The following CHRNB3 variants were observed in gnomAD, a reference collection of about 807,000 sequenced individuals.
The protein encoded by CHRNB3 is cholinergic receptor nicotinic beta 3 subunit.
Under a neutral mutation model 40.6 loss-of-function variants are expected in CHRNB3, and 37 were observed. That is an observed-to-expected ratio of 0.91 (90% confidence interval 0.70 to 1.20). The LOEUF (loss-of-function observed/expected upper bound fraction) is 1.20. CHRNB3 is among the 50% of genes most tolerant of loss of function. The pLI, the probability that CHRNB3 is intolerant of heterozygous loss-of-function variation, is 0.00. For synonymous variants in CHRNB3, 207 were observed against 207.1 expected (o/e 1.00, Z 0.00); for missense variants, 505 against 551.2 (o/e 0.92, Z 0.84).
chr8:42,722,663 G>C (rs1036281330), intron 3 of CHRNB3, among the ~76,000 whole-genome samples: 4 of 152,176 alleles, frequency 2.6e-5, no homozygotes, highest in Admixed American at 2.6e-4. Flanking sequence ...CCAGGCTCAA[G>C]TGATCCTCCC....
In CHRNB3 at chr8:42,712,925, A is replaced by G. The variant is rs1816042819; in HGVS notation, c.249+2491A>G. Among the ~76,000 whole-genome samples the G allele has an allele frequency of 2.1e-5, 3 of 141,348 alleles. No homozygotes were observed. The South Asian group carries it at 6.6e-4, about 31-fold the overall frequency. 92.7% of individuals were successfully genotyped at this position (141,348 alleles called of 152,430 possible). A position where few individuals can be genotyped will look rare whatever the true frequency, so the allele number is the denominator to read the frequency against. ...CGCCCAGGCTAGAGTACAGTGGCTC[A>G]ATCTCAGCTCGCTGCAGCCTCTGCC... On this transcript the variant is annotated intron_variant, in intron 3 of 5. Transcript: ENST00000289957.
rs183184164 is a variant in CHRNB3 at position 42,730,191 on chromosome 8, C to T, written c.250-403C>T. On this transcript the variant is annotated intron_variant, in intron 3 of 5. Coordinates refer to ENST00000289957, the MANE Select transcript of CHRNB3 (RefSeq NM_000749.5). ...TGAGTGGTGTTTAAAATCACTTGTA[C>T]CAGTTAGCATGTGATTTAAGTATCA... Among the ~76,000 whole-genome samples the T allele has an allele frequency of 4.8e-3, 735 of 152,172 alleles. 2 individuals are homozygous for T. Among genetic ancestry groups the T allele is most frequent in the Non-Finnish European group, 7.0e-3 (473 of 68,014 alleles).
intron 3 of CHRNB3, among the ~76,000 whole-genome samples, chr8:42,711,063 G>T (rs1383160219): frequency 6.6e-6 from 1 of 152,148 alleles, no homozygotes; most frequent in Non-Finnish European, 1.5e-5. Flanking sequence ...CTAAAGTCAG[G>T]GGAGTGTGCC....
chr8:42,713,527 G>A (rs1264306618), intron 3 of CHRNB3, among the ~76,000 whole-genome samples: 1 of 152,064 alleles, frequency 6.6e-6, no homozygotes, highest in South Asian at 2.1e-4. Context: ...GAGAATAATC[G>A]ACTTTTTTGG....
At chr8:42,729,786 T>C (rs1816371767) in intron 3 of CHRNB3, among the ~76,000 whole-genome samples, 1 of 152,164 alleles carries the variant, frequency 6.6e-6, no homozygotes, top group South Asian at 2.1e-4. Flanking sequence ...TCAGATTTCC[T>C]ATGATTCTGG....
intron 3 of CHRNB3, among the ~76,000 whole-genome samples, chr8:42,724,933 A>G (rs1184834525): frequency 1.3e-5 from 2 of 152,098 alleles, no homozygotes; most frequent in East Asian, 3.9e-4. Context: ...CAGTGAGCCA[A>G]GACTGTGCCA....
At chr8:42,700,103 T>C (rs1815759105) in intron 1 of CHRNB3, among the ~76,000 whole-genome samples, 1 of 150,006 alleles carries the variant, frequency 6.7e-6, no homozygotes, top group Non-Finnish European at 1.5e-5. Flanking sequence ...AAGCTCCGCC[T>C]CCCGGGTTCA....
At chr8:42,708,497 A>AC (rs59816111) in intron 1 of CHRNB3, among the ~76,000 whole-genome samples, 1,607 of 151,740 alleles carry the variant, frequency 0.011, 33 homozygotes, top group African/African-American at 0.037. Flanking sequence ...ACACACACAC[A>AC]AACAAAATGT....
intron 1 of CHRNB3, among the ~76,000 whole-genome samples, chr8:42,707,234 G>A (rs1292667303): frequency 6.6e-6 from 1 of 152,244 alleles, no homozygotes; most frequent in African/African-American, 2.4e-5. Context: ...TTAGGAAAGT[G>A]CCTACAGAAG....
intron 3 of CHRNB3, among the ~76,000 whole-genome samples, chr8:42,720,111 C>CTTTTTTTTTTTTTTTTTTTTTTTTTTT (rs869178430): frequency 2.1e-5 from 1 of 48,746 alleles, no homozygotes; most frequent in African/African-American, 8.9e-5. Flanking sequence ...CAGAAGCCTT[C>CTTTTTTTTTTTTTTTTTTTTTTTTTTT]TTTTTTTTTT....
At chr8:42,725,746 T>C in intron 3 of CHRNB3, 2 of 920,028 alleles carry the variant, frequency 2.2e-6, no homozygotes, top group South Asian at 1.3e-5. Flanking sequence ...GATGGTCTTA[T>C]TCGTGACCTT....
chr8:42,703,820 AGAAGC>A (rs1295239998), intron 1 of CHRNB3, among the ~76,000 whole-genome samples: 9 of 152,166 alleles, frequency 5.9e-5, no homozygotes, highest in Non-Finnish European at 1.3e-4. Flanking sequence ...ATCAACTGTG[AGAAGC>A]ACTTGGCCTT....
intron 1 of CHRNB3, 65 bp downstream of exon 1, chr8:42,697,663 C>A: frequency 1.7e-6 from 2 of 1,187,552 alleles, no homozygotes; most frequent in South Asian, 1.2e-5. Flanking sequence ...GGAGGCAAAA[C>A]TATGGTGTTG....
At chr8:42,729,456 C>T (rs1377666416) in intron 3 of CHRNB3, among the ~76,000 whole-genome samples, 1 of 152,054 alleles carries the variant, frequency 6.6e-6, no homozygotes, top group African/African-American at 2.4e-5. Flanking sequence ...TGTTATACTT[C>T]AGATTCTAGC....
intron 3 of CHRNB3, among the ~76,000 whole-genome samples, chr8:42,729,534 T>C (rs911192609): frequency 4.6e-5 from 7 of 152,158 alleles, no homozygotes; most frequent in African/African-American, 1.2e-4. Flanking sequence ...TTGTCTAAGA[T>C]AGACAATGTT....
In CHRNB3 at chr8:42,712,693, G is replaced by T. The variant is rs1816036568; in HGVS notation, c.249+2259G>T. ...AATTCAGAGGCCTGAGAATTGGGAA[G>T]TATTTTGAGTTGATAAAGGCCAAGA... On this transcript the variant is annotated intron_variant, in intron 3 of 5. Transcript: ENST00000289957. Among the ~76,000 whole-genome samples the T allele has an allele frequency of 3.3e-5, 5 of 152,134 alleles. No homozygotes were observed. The South Asian group carries it at 1.0e-3, about 32-fold the overall frequency.
intron 1 of CHRNB3, among the ~76,000 whole-genome samples, chr8:42,700,182 A>AT (rs979470875): frequency 2.0e-5 from 3 of 150,992 alleles, no homozygotes; most frequent in East Asian, 2.0e-4. Flanking sequence ...CCCAGCTAAT[A>AT]TTTTTTGTAT....
chr8:42,727,795 A>G (rs1456239993), intron 3 of CHRNB3, among the ~76,000 whole-genome samples: 4 of 151,952 alleles, frequency 2.6e-5, no homozygotes, highest in Admixed American at 1.3e-4. Flanking sequence ...CCCAGGAGGC[A>G]GAGGTTGCAG....
At chr8:42,736,015 G>A (rs1326480970) in intron 5 of CHRNB3, among the ~76,000 whole-genome samples, 1 of 151,994 alleles carries the variant, frequency 6.6e-6, no homozygotes, top group Non-Finnish European at 1.5e-5. Context: ...ACAGGTGCCC[G>A]CCACCATGCC....
Sources: gnomAD v4.1 joint callset for allele counts (sites outside exome capture counted in the v4.1 genomes callset) on GRCh38, gnomAD v4.1.1 for gene constraint, MANE v1.5 for transcripts, NCBI Gene and HGNC (gene_info 2026-07-23, HGNC 2026-07-21) for gene names.